Variants in MFSD8 observed in about 807,000 individuals in gnomAD.
MFSD8 encodes the protein major facilitator superfamily domain containing 8.
A neutral mutation model predicts 66.4 loss-of-function variants in MFSD8; 55 were observed. The observed-to-expected ratio is 0.83, with a 90% confidence interval of 0.67 to 1.04. The LOEUF (loss-of-function observed/expected upper bound fraction) is 1.04, where lower values mean the gene tolerates loss of function less well. Ranked by LOEUF, MFSD8 falls within the 50% of genes least tolerant of loss-of-function variation. MFSD8 has a pLI of 0.00. For synonymous variants in MFSD8, 202 were observed against 212.8 expected (o/e 0.95, Z 0.44); for missense variants, 550 against 627.6 (o/e 0.88, Z 1.32).
At chr4:127,931,514 T>C (rs979703038) in intron 8 of MFSD8, among the ~76,000 whole-genome samples, 32 of 152,160 alleles carry the variant, frequency 2.1e-4, no homozygotes, top group African/African-American at 7.0e-4. Context: ...CCTGCCACCA[T>C]ACCCAGTTAA....
chr4:127,959,503 T>C (rs958982870), intron 1 of MFSD8, among the ~76,000 whole-genome samples: 1 of 152,340 alleles, frequency 6.6e-6, no homozygotes, highest in East Asian at 1.9e-4. Context: ...TATTTCTAGT[T>C]GTAACAGTGA....
At position 127,933,238 on chromosome 4, in the gene MFSD8, G is replaced by C. The variant is rs543867369; in HGVS notation, c.755-145C>G. The C allele has an allele frequency of 2.3e-5, 15 of 642,364 alleles. No individual in the cohort carries two copies. In the African/African-American group the frequency reaches 2.6e-4, roughly 11 times the overall value. 39.8% of individuals were successfully genotyped at this position (642,364 alleles called of 1,614,324 possible). On this transcript the variant is annotated intron_variant, in intron 7 of 11. Transcript: ENST00000641686. ...AGGCTTCAAAGTAGTTTAATAATAAGAGAATTTGTTTATTTTTATTTTTTG... is the reference window on the plus strand; with the variant it reads ...AGGCTTCAAAGTAGTTTAATAATAACAGAATTTGTTTATTTTTATTTTTTG...
At chr4:127,950,070 A>G (rs978717930) in intron 2 of MFSD8, among the ~76,000 whole-genome samples, 6 of 152,232 alleles carry the variant, frequency 3.9e-5, no homozygotes, top group African/African-American at 1.4e-4. Context: ...AATACAAAAA[A>G]GCAGAGGATC....
chr4:127,951,920 G>A (rs1238495137), intron 2 of MFSD8, among the ~76,000 whole-genome samples: 3 of 150,988 alleles, frequency 2.0e-5, no homozygotes, highest in Admixed American at 1.3e-4. Context: ...CGTAGAGATG[G>A]GGTTTCACCA....
At position 127,930,754 on chromosome 4, in the gene MFSD8, A is replaced by G. The variant is rs1217108120; in HGVS notation, c.927T>C (p.Asn309=). ...CCCCAAGAGCAGCAAGTATTATGCCATTATATAACACAGCTTGTTCTTGAG... is the reference window on the plus strand; with the variant it reads ...CCCCAAGAGCAGCAAGTATTATGCCGTTATATAACACAGCTTGTTCTTGAG... ...AWTQEQAVLY[N]GIILAALGVE... is the part of the protein sequence containing the mutation. The change falls in exon 9 of 12, where the codon AAT becomes AAC. Residue 309 remains asparagine, a synonymous_variant. Transcript: ENST00000641686. 1 of 1,613,488 alleles carries G rather than the reference A, an allele frequency of 6.2e-7. No individual in the cohort carries two copies.
chr4:127,947,748 C>G (rs1319935862), intron 3 of MFSD8, among the ~76,000 whole-genome samples: 1 of 151,614 alleles, frequency 6.6e-6, no homozygotes, highest in Non-Finnish European at 1.5e-5. Flanking sequence ...TGTGTAAAGA[C>G]CTGAGGAGCC....
chr4:127,963,444 GGTGA>G (rs1484034356), intron 1 of MFSD8, among the ~76,000 whole-genome samples: 2 of 152,192 alleles, frequency 1.3e-5, no homozygotes, highest in Admixed American at 6.5e-5. Flanking sequence ...GGACCCTCGC[GGTGA>G]GTGTTAACAG....
At chr4:127,921,073 T>C (rs147646521) in intron 11 of MFSD8, 1 of 575,628 alleles carries the variant, frequency 1.7e-6, no homozygotes, top group East Asian at 2.9e-5. Flanking sequence ...CTGGGAATAA[T>C]AAAATTGATT....
chr4:127,944,247 T>C, intron 3 of MFSD8, among the ~76,000 whole-genome samples: 1 of 152,212 alleles, frequency 6.6e-6, no homozygotes, highest in East Asian at 1.9e-4. Flanking sequence ...TTTTGGTTCA[T>C]ATAAACCTTG....
At position 127,965,136 on chromosome 4, in the gene MFSD8, T is replaced by G. The variant is rs1213932597; in HGVS notation, c.-3A>C. ...CTTTCGTTCCGCAGGCCGGCCATAG[T>G]TACACTCCCTACAAGGCGTCTTGCG... On this transcript the variant is annotated 5_prime_UTR_variant, in exon 1 of 12. Coordinates refer to ENST00000641686, the MANE Select transcript of MFSD8 (RefSeq NM_001371596.2). 6.2e-7 allele frequency: 1 copy of G among 1,613,854 alleles called. No homozygotes were observed. The highest frequency in any genetic ancestry group is 1.3e-5 in the African/African-American group (1 of 74,948).
At chr4:127,923,456 C>T (rs1292901455) in intron 9 of MFSD8, among the ~76,000 whole-genome samples, 1 of 151,824 alleles carries the variant, frequency 6.6e-6, no homozygotes, top group African/African-American at 2.4e-5. Flanking sequence ...TTGAACCAGC[C>T]TTGCATCTCA....
intron 2 of MFSD8, among the ~76,000 whole-genome samples, chr4:127,952,646 G>C (rs1742184504): frequency 6.6e-6 from 1 of 152,070 alleles, no homozygotes; most frequent in Admixed American, 6.5e-5. Context: ...GCGGCAGGCA[G>C]ATCATTTGAA....
chr4:127,932,911 G>T, intron 8 of MFSD8, 74 bp downstream of exon 8: 4 of 1,330,860 alleles, frequency 3.0e-6, no homozygotes, highest in South Asian at 1.2e-5. Context: ...ACATCTATAT[G>T]CCTAATTAAC....
intron 1 of MFSD8, among the ~76,000 whole-genome samples, chr4:127,964,394 C>G (rs926159187): frequency 5.9e-5 from 9 of 152,240 alleles, no homozygotes; most frequent in Non-Finnish European, 1.2e-4. Flanking sequence ...GGGAAGGCAG[C>G]TAAGGCCCGG....
chr4:127,925,477 CAT>C (rs1181309016), intron 9 of MFSD8, among the ~76,000 whole-genome samples: 3 of 152,120 alleles, frequency 2.0e-5, no homozygotes, highest in Non-Finnish European at 2.9e-5. Flanking sequence ...AACCAACAAA[CAT>C]ATGAAAAAAA....
Position 127,939,869 on chromosome 4 carries a change from T to C in MFSD8, c.682A>G (p.Ile228Val), listed in dbSNP as rs1739846802. ...TCTAATTACCTTAGTATGGCAAGGA[T>C]CAGAATAATATTTAAAATTCCCAGG... The part of the protein sequence containing the change: ...AFLGILNIIL[I>V]LAILREHRVD... Residue 228 changes from isoleucine to valine, a missense_variant, in exon 6 of 12, where the codon ATC (isoleucine) becomes GTC (valine). Transcript: ENST00000641686. 4 of 1,612,850 alleles carry C rather than the reference T, an allele frequency of 2.5e-6. No individual in the cohort carries two copies. The East Asian group carries it at 8.9e-5, about 36-fold the overall frequency.
chr4:127,936,450 GTGCAGTGGCTCACACC>G (rs1739091630), intron 7 of MFSD8, among the ~76,000 whole-genome samples: 1 of 151,894 alleles, frequency 6.6e-6, no homozygotes, highest in Non-Finnish European at 1.5e-5. Context: ...TTGTTTCCAG[GTGCAGTGGCTCACACC>G]TGTAATCCTA....
chr4:127,944,713 C>A (rs1014921252), intron 3 of MFSD8, among the ~76,000 whole-genome samples: 1 of 151,666 alleles, frequency 6.6e-6, no homozygotes, highest in African/African-American at 2.4e-5. Flanking sequence ...CAGGCTGGAG[C>A]GCAGTGGTCC....
chr4:127,945,881 A>G (rs1740946725), intron 3 of MFSD8, among the ~76,000 whole-genome samples: 1 of 151,114 alleles, frequency 6.6e-6, no homozygotes, highest in South Asian at 2.1e-4. Flanking sequence ...TGAAAACTCA[A>G]TTTTAATGTT....
Sources: allele counts gnomAD v4.1 joint callset (sites outside exome capture counted in the v4.1 genomes callset), GRCh38; gene constraint gnomAD v4.1.1; transcripts MANE v1.5; gene names NCBI Gene and HGNC (gene_info 2026-07-23, HGNC 2026-07-21).